Variants in RASSF2 observed in about 807,000 individuals in gnomAD.
RASSF2 encodes the protein ras association domain-containing protein 2.
Under a neutral mutation model 46.3 loss-of-function variants are expected in RASSF2, and 34 were observed. The observed-to-expected ratio is 0.73, with a 90% confidence interval of 0.56 to 0.98. RASSF2 has a LOEUF of 0.98. Ranked by LOEUF, RASSF2 falls within the 50% of genes least tolerant of loss-of-function variation. The pLI is 0.00. For synonymous variants in RASSF2, 158 were observed against 162.5 expected, an observed-to-expected ratio of 0.97 and a Z score of 0.21; for missense variants, 364 against 431.2, an observed-to-expected ratio of 0.84 and a Z score of 1.38.
chr20:4,800,170 T>C (rs555964121), intron 3 of RASSF2, among the ~76,000 whole-genome samples: 19 of 151,954 alleles, frequency 1.3e-4, no homozygotes, highest in Non-Finnish European at 2.8e-4. Context: ...AAGGGTCTAT[T>C]TTGGCTCAAG....
chr20:4,788,321 C>T, intron 8 of RASSF2, 53 bp from the exon 9 acceptor site: 3 of 1,512,202 alleles, frequency 2.0e-6, no homozygotes, highest in South Asian at 1.1e-5. Context: ...AACATCCCAA[C>T]TTCGAGGCTT....
chr20:4,804,268 G>C (rs1276546152), intron 2 of RASSF2, among the ~76,000 whole-genome samples: 1 of 149,948 alleles, frequency 6.7e-6, no homozygotes, highest in Non-Finnish European at 1.5e-5. Context: ...TCCAAAAAAG[G>C]AAGAATAATC....
At chr20:4,792,492 T>C (rs1925973333) in intron 6 of RASSF2, 47 bp downstream of exon 6, 7 of 1,612,384 alleles carry the variant, frequency 4.3e-6, no homozygotes, top group Middle Eastern at 1.6e-4. Flanking sequence ...CACAGCGGTC[T>C]TCACACAGTT....
chr20:4,803,475 C>T (rs960936390), intron 2 of RASSF2, among the ~76,000 whole-genome samples: 4 of 152,144 alleles, frequency 2.6e-5, no homozygotes, highest in Non-Finnish European at 5.9e-5. Flanking sequence ...TAGCGTTGGC[C>T]AGGCATGGTG....
At chr20:4,815,584 G>C (rs571749164) in intron 2 of RASSF2, among the ~76,000 whole-genome samples, 2 of 152,202 alleles carry the variant, frequency 1.3e-5, no homozygotes, top group Non-Finnish European at 2.9e-5. Flanking sequence ...CCTCCTTCTC[G>C]AGCTTCAGGG....
At chr20:4,804,505 T>C (rs1335152715) in intron 2 of RASSF2, among the ~76,000 whole-genome samples, 1 of 149,862 alleles carries the variant, frequency 6.7e-6, no homozygotes, top group Non-Finnish European at 1.5e-5. Flanking sequence ...GCTCAGCTAA[T>C]TTTTTGTATT....
At chr20:4,815,449 C>A (rs924242961) in intron 2 of RASSF2, among the ~76,000 whole-genome samples, 1 of 152,150 alleles carries the variant, frequency 6.6e-6, no homozygotes, top group African/African-American at 2.4e-5. Flanking sequence ...TAAAGTCCCC[C>A]CTGCACCCCA....
At chr20:4,815,649 C>T (rs188111646) in intron 2 of RASSF2, among the ~76,000 whole-genome samples, 51 of 152,352 alleles carry the variant, frequency 3.3e-4, no homozygotes, top group Admixed American at 2.5e-3. Context: ...TCTCTCTGCA[C>T]GGCACCTGCT....
At chr20:4,793,125 A>G in intron 5 of RASSF2, 1 of 163,218 alleles carries the variant, frequency 6.1e-6, no homozygotes, top group South Asian at 1.5e-4. Flanking sequence ...TGGCCACAAC[A>G]AGGGCAGGGG....
chr20:4,789,659 G>A lies in RASSF2; in HGVS notation c.576C>T (p.Asn192=), dbSNP rs1279140486. Residue 192 remains asparagine, a synonymous_variant, in exon 8 of 12, where the codon AAC becomes AAT. Transcript: ENST00000379400. The stretch of plus-strand genomic sequence containing the variant: ...TGGTCATGGTGCTGTTGATGCGGAC[G>A]TTGGTGACAGAGCCATAGGCTGGTG... ...VFTPAYGSVT[N]VRINSTMTTP... 6.8e-6 allele frequency: 11 copies of A among 1,613,994 alleles called. No homozygotes were observed. The highest frequency in any genetic ancestry group is 6.7e-5 in the African/African-American group (5 of 74,882).
At position 4,781,931 on chromosome 20, in the gene RASSF2, C is replaced by G. The variant is rs3746673; in HGVS notation, c.*2342G>C. On this transcript the variant is annotated 3_prime_UTR_variant, in exon 12 of 12. Transcript: ENST00000379400. ...TTCAACTGCTGCTATTTCAAAGAACCCTTCCAAAATTTCTGATCAGGTTCT... is the reference window on the plus strand; with the variant it reads ...TTCAACTGCTGCTATTTCAAAGAACGCTTCCAAAATTTCTGATCAGGTTCT... 0.27 allele frequency: 40,375 copies of G among 152,110 alleles called. 5,584 individuals are homozygous for G. Among genetic ancestry groups the G allele is most frequent in the East Asian group, 0.28 (1,469 of 5,170 alleles). The allele number at this position is 152,110 out of a possible 1,614,324, so 9.4% of individuals were successfully genotyped here.
chr20:4,797,083 C>A (rs546352991), intron 4 of RASSF2, among the ~76,000 whole-genome samples: 1 of 152,108 alleles, frequency 6.6e-6, no homozygotes, highest in Non-Finnish European at 1.5e-5. Context: ...AACAATTTTA[C>A]GGTGCTTAGG....
chr20:4,784,592 CAAAAAAAAA>C (rs71197728), intron 11 of RASSF2, among the ~76,000 whole-genome samples: 6 of 89,864 alleles, frequency 6.7e-5, no homozygotes, highest in East Asian at 3.3e-4. Flanking sequence ...AACATCTAGC[CAAAAAAAAA>C]AAAAAAAAAA....
At chr20:4,785,155 C>CAAAAAA (rs11454727) in intron 11 of RASSF2, among the ~76,000 whole-genome samples, 117 of 92,472 alleles carry the variant, frequency 1.3e-3, no homozygotes, top group African/African-American at 2.8e-3. Context: ...ACTAAAAATA[C>CAAAAAA]AAAAAAAAAA....
rs1034986663 is a variant in RASSF2, at chr20:4,782,169, C to T, written c.*2104G>A. Reference sequence around the variant, plus strand: ...GCAGTATTTCCCCATCTAACACTATCGTAGTGCTAGTGCAAATCAAAGAGA... The same window carrying T: ...GCAGTATTTCCCCATCTAACACTATTGTAGTGCTAGTGCAAATCAAAGAGA... On this transcript the variant is annotated 3_prime_UTR_variant, in exon 12 of 12. Transcript: ENST00000379400. 4.6e-5 allele frequency: 7 copies of T among 152,266 alleles called. No individual in the cohort carries two copies. The highest frequency in any genetic ancestry group is 1.9e-4 in the East Asian group (1 of 5,192). 9.4% of individuals were successfully genotyped at this position (152,266 alleles called of 1,614,324 possible).
chr20:4,792,733 A>G, intron 5 of RASSF2, 106 bp from the exon 6 acceptor site: 1 of 1,482,738 alleles, frequency 6.7e-7, no homozygotes, highest in Non-Finnish European at 9.0e-7. Context: ...GCACTTTGCT[A>G]GTGCCAGGCT....
At chr20:4,805,888 C>T (rs1927305685) in intron 2 of RASSF2, among the ~76,000 whole-genome samples, 1 of 152,170 alleles carries the variant, frequency 6.6e-6, no homozygotes, top group Admixed American at 6.5e-5. Context: ...GGCAGAGGTG[C>T]CACCTTCACA....
At chr20:4,788,112 G>T in intron 9 of RASSF2, 105 bp downstream of exon 9, 1 of 1,148,158 alleles carries the variant, frequency 8.7e-7, no homozygotes, top group Non-Finnish European at 1.3e-6. Context: ...ACATTTGGAA[G>T]TTTCCAAAAC....
At chr20:4,800,925 C>T in intron 3 of RASSF2, 47 bp downstream of exon 3, 3 of 1,513,834 alleles carry the variant, frequency 2.0e-6, no homozygotes, top group Non-Finnish European at 2.8e-6. Context: ...AACATCCCAG[C>T]ACGGGACTGG....
Sources: gnomAD v4.1 joint callset for allele counts (sites outside exome capture counted in the v4.1 genomes callset) on GRCh38, gnomAD v4.1.1 for gene constraint, MANE v1.5 for transcripts, NCBI Gene and HGNC (gene_info 2026-07-23, HGNC 2026-07-21) for gene names.